Variants in CNTN4 observed in about 807,000 individuals in gnomAD.
CNTN4 encodes the protein contactin 4.
A neutral mutation model predicts 122.5 loss-of-function variants in CNTN4; 77 were observed. That is an observed-to-expected ratio of 0.63 (90% confidence interval 0.52 to 0.76). The LOEUF (loss-of-function observed/expected upper bound fraction) is 0.76. CNTN4 is among the 30% of genes least tolerant of loss of function. CNTN4 has a pLI of 0.00. For missense variants in CNTN4, 1,256 were observed against 1,259.1 expected, an observed-to-expected ratio of 1.00 and a Z score of 0.04; for synonymous variants, 512 against 447.0, an observed-to-expected ratio of 1.15 and a Z score of -1.83.
chr3:2,856,324 T>C (rs2093617532), intron 7 of CNTN4, among the ~76,000 whole-genome samples: 2 of 152,192 alleles, frequency 1.3e-5, no homozygotes, highest in Admixed American at 1.3e-4. Flanking sequence ...AACAAACACT[T>C]ATTTTGTTGT....
chr3:2,160,068 G>A (rs1366117330), intron 2 of CNTN4, among the ~76,000 whole-genome samples: 2 of 152,048 alleles, frequency 1.3e-5, no homozygotes, highest in Non-Finnish European at 2.9e-5. Flanking sequence ...TAATAGTCTA[G>A]TTAAATGCAT....
At position 2,754,061 on chromosome 3, in the gene CNTN4, C is replaced by T. The variant is rs185328532; in HGVS notation, c.358+8364C>T. Among the ~76,000 whole-genome samples, 36 of 152,058 alleles carry T rather than the reference C, an allele frequency of 2.4e-4. No individual in the cohort carries two copies. In the East Asian group the frequency reaches 6.0e-3, roughly 25 times the overall value. ...ATAACTGGTTGGTAAACTGTTTATC[C>T]CCAAGCAGTAAATGAAATATTTGTA... is the stretch of plus-strand genomic sequence containing the variant. On this transcript the variant is annotated intron_variant, in intron 6 of 24. Transcript: ENST00000418658.
chr3:2,764,550 T>G (rs1024880052), intron 6 of CNTN4, among the ~76,000 whole-genome samples: 2 of 152,140 alleles, frequency 1.3e-5, no homozygotes, highest in African/African-American at 4.8e-5. Context: ...GGAAGAGAGT[T>G]TGTCCTGCAT....
rs547536875 is a variant in CNTN4 at position 2,895,820 on chromosome 3, G to C, written c.941-4865G>C. ...GAGGCCGAGGCGGGCGGATCACAAG[G>C]TCAGGAGATCGAGACCATCCTGGCT... On this transcript the variant is annotated intron_variant, in intron 10 of 24. Transcript: ENST00000418658. Among the ~76,000 whole-genome samples, 67 of 152,206 alleles carry C rather than the reference G, an allele frequency of 4.4e-4. 1 individual carries two copies. Among genetic ancestry groups the C allele is most frequent in the Non-Finnish European group, 7.3e-5 (5 of 68,034 alleles).
chr3:2,510,769 G>A (rs190412228), intron 3 of CNTN4, among the ~76,000 whole-genome samples: 47 of 152,170 alleles, frequency 3.1e-4, no homozygotes, highest in African/African-American at 1.1e-3. Flanking sequence ...TCTCTCTCTT[G>A]CCAGACCAAG....
chr3:2,783,810 G>A (rs942477533), intron 6 of CNTN4, among the ~76,000 whole-genome samples: 2 of 152,144 alleles, frequency 1.3e-5, no homozygotes, highest in Non-Finnish European at 2.9e-5. Flanking sequence ...CAGGCTAATT[G>A]CTGCTGTTCC....
chr3:2,603,923 T>A (rs531600929), intron 4 of CNTN4, among the ~76,000 whole-genome samples: 2 of 152,326 alleles, frequency 1.3e-5, no homozygotes, highest in East Asian at 3.9e-4. Flanking sequence ...CACAGCGCAT[T>A]ATCCAAGGTG....
At chr3:2,408,684 T>G (rs2047121848) in intron 3 of CNTN4, among the ~76,000 whole-genome samples, 1 of 152,196 alleles carries the variant, frequency 6.6e-6, no homozygotes, top group Non-Finnish European at 1.5e-5. Flanking sequence ...TATCAATATG[T>G]GCTATCTCAT....
chr3:2,805,940 C>T (rs760323028), intron 6 of CNTN4, among the ~76,000 whole-genome samples: 4 of 152,108 alleles, frequency 2.6e-5, no homozygotes, highest in Admixed American at 6.6e-5. Context: ...CTCGCTCTGT[C>T]GCCCAGGCTG....
chr3:2,176,617 A>G (rs1339054077), intron 2 of CNTN4, among the ~76,000 whole-genome samples: 2 of 152,274 alleles, frequency 1.3e-5, no homozygotes, highest in Non-Finnish European at 2.9e-5. Flanking sequence ...TAATGATGGT[A>G]ATTAGTATAA....
At chr3:2,696,649 T>C (rs2086049965) in intron 4 of CNTN4, among the ~76,000 whole-genome samples, 1 of 152,206 alleles carries the variant, frequency 6.6e-6, no homozygotes, top group South Asian at 2.1e-4. Context: ...TAGGTCTTAT[T>C]TATAGAATCC....
chr3:2,751,304 C>T (rs1011426942), intron 6 of CNTN4, among the ~76,000 whole-genome samples: 1 of 151,918 alleles, frequency 6.6e-6, no homozygotes, highest in Admixed American at 6.6e-5. Flanking sequence ...AGAGACTCAG[C>T]GAGACTCCGT....
chr3:2,851,307 T>C (rs969638401), intron 7 of CNTN4, among the ~76,000 whole-genome samples: 17 of 152,226 alleles, frequency 1.1e-4, no homozygotes, highest in Non-Finnish European at 1.6e-4. Flanking sequence ...ACACTATGCC[T>C]CTGATCATAT....
At chr3:2,107,483 C>A (rs2032547305) in intron 2 of CNTN4, among the ~76,000 whole-genome samples, 1 of 152,190 alleles carries the variant, frequency 6.6e-6, no homozygotes, top group East Asian at 1.9e-4. Context: ...ACGATCAGAT[C>A]TCGTGAGAAT....
chr3:2,689,342 C>A (rs2085603808), intron 4 of CNTN4, among the ~76,000 whole-genome samples: 1 of 152,170 alleles, frequency 6.6e-6, no homozygotes, highest in Non-Finnish European at 1.5e-5. Context: ...AGAATCCTCA[C>A]TGAAGTTATA....
intron 13 of CNTN4, among the ~76,000 whole-genome samples, chr3:2,937,034 C>T (rs984596898): frequency 1.3e-5 from 2 of 152,116 alleles, no homozygotes; most frequent in Non-Finnish European, 2.9e-5. Flanking sequence ...AAAAAGTTTG[C>T]CAAACTCTGA....
At chr3:2,969,437 C>T (rs1243395228) in intron 13 of CNTN4, among the ~76,000 whole-genome samples, 1 of 152,132 alleles carries the variant, frequency 6.6e-6, no homozygotes, top group Non-Finnish European at 1.5e-5. Flanking sequence ...AACACCCCAG[C>T]AGCCAGAGAA....
At chr3:2,424,060 G>T (rs2047718735) in intron 3 of CNTN4, among the ~76,000 whole-genome samples, 2 of 150,506 alleles carry the variant, frequency 1.3e-5, no homozygotes, top group Non-Finnish European at 3.0e-5. Context: ...AGGTAGTTTA[G>T]CTTCTTTTTT....
chr3:2,402,001 G>GTA (rs751967622), intron 3 of CNTN4, among the ~76,000 whole-genome samples: 1 of 152,132 alleles, frequency 6.6e-6, no homozygotes, highest in Non-Finnish European at 1.5e-5. Flanking sequence ...CTGCTGGACT[G>GTA]TAGTCTAATA....
Sources: allele counts gnomAD v4.1 joint callset (sites outside exome capture counted in the v4.1 genomes callset), GRCh38; gene constraint gnomAD v4.1.1; transcripts MANE v1.5; gene names NCBI Gene and HGNC (gene_info 2026-07-23, HGNC 2026-07-21).